Variants in EPHA6 observed in about 807,000 individuals in gnomAD.
EPHA6 encodes the protein EPH receptor A6.
In EPHA6, 50 loss-of-function variants were observed where a neutral mutation model predicts 112.0. That is an observed-to-expected ratio of 0.45 (90% confidence interval 0.36 to 0.56). The LOEUF (loss-of-function observed/expected upper bound fraction) is 0.56. EPHA6 is among the 20% of genes least tolerant of loss of function. EPHA6 has a pLI of 0.00. For synonymous variants in EPHA6, 529 were observed against 490.7 expected, an observed-to-expected ratio of 1.08 and a Z score of -1.03; for missense variants, 1,280 against 1,417.4, an observed-to-expected ratio of 0.90 and a Z score of 1.56.
At chr3:97,341,301 G>T (rs1450901277) in intron 5 of EPHA6, among the ~76,000 whole-genome samples, 1 of 152,006 alleles carries the variant, frequency 6.6e-6, no homozygotes, top group African/African-American at 2.4e-5. Context: ...AATTAGAAGA[G>T]CTGACTCAAC....
intron 3 of EPHA6, among the ~76,000 whole-genome samples, chr3:97,142,132 G>A (rs760165094): frequency 2.0e-5 from 3 of 151,902 alleles, no homozygotes; most frequent in East Asian, 3.9e-4. Context: ...ATTCCTTTCC[G>A]TGATGTTAAC....
intron 6 of EPHA6, among the ~76,000 whole-genome samples, chr3:97,419,718 A>G (rs1469497817): frequency 1.3e-5 from 2 of 152,144 alleles, no homozygotes; most frequent in East Asian, 3.8e-4. Flanking sequence ...CACAAGAGCA[A>G]AAGTGAGAAA....
chr3:97,363,618 A>G (rs2084530636), intron 5 of EPHA6, among the ~76,000 whole-genome samples: 1 of 152,096 alleles, frequency 6.6e-6, no homozygotes, highest in Non-Finnish European at 1.5e-5. Flanking sequence ...CATTAAAAAT[A>G]TAATTACCAT....
chr3:97,640,680 T>G (rs1030157446), intron 14 of EPHA6, among the ~76,000 whole-genome samples: 1 of 151,818 alleles, frequency 6.6e-6, no homozygotes, highest in African/African-American at 2.4e-5. Flanking sequence ...CTCGGCAGGC[T>G]GAGGCAGGAG....
At chr3:97,144,376 T>A (rs1404612115) in intron 3 of EPHA6, among the ~76,000 whole-genome samples, 4 of 151,366 alleles carry the variant, frequency 2.6e-5, no homozygotes, top group African/African-American at 9.7e-5. Context: ...ATAGGGCTTA[T>A]AACAAAAAGA....
At chr3:97,490,305 T>C (rs1220348848) in intron 10 of EPHA6, among the ~76,000 whole-genome samples, 1 of 152,158 alleles carries the variant, frequency 6.6e-6, no homozygotes, top group Non-Finnish European at 1.5e-5. Flanking sequence ...ATTGTTACAT[T>C]GCTTTATATT....
At chr3:96,921,969 TG>T (rs2039786717) in intron 2 of EPHA6, among the ~76,000 whole-genome samples, 1 of 152,052 alleles carries the variant, frequency 6.6e-6, no homozygotes, top group Non-Finnish European at 1.5e-5. Flanking sequence ...AAGAATAATG[TG>T]AATCAACTGA....
At chr3:96,929,176 G>T (rs558950088) in intron 2 of EPHA6, among the ~76,000 whole-genome samples, 94 of 152,256 alleles carry the variant, frequency 6.2e-4, no homozygotes, top group Admixed American at 4.6e-4. Flanking sequence ...AGAGTTTAGG[G>T]CACCAAGTCC....
intron 5 of EPHA6, among the ~76,000 whole-genome samples, chr3:97,364,383 T>C (rs1320740531): frequency 6.6e-6 from 1 of 151,562 alleles, no homozygotes; most frequent in Non-Finnish European, 1.5e-5. Flanking sequence ...ACAGTAATTT[T>C]CTCCTCATTC....
intron 5 of EPHA6, among the ~76,000 whole-genome samples, chr3:97,288,639 A>G (rs2108680666): frequency 6.6e-6 from 1 of 152,284 alleles, no homozygotes; most frequent in African/African-American, 2.4e-5. Flanking sequence ...AAGTTCTTCA[A>G]GAAATCTCCA....
chr3:97,403,716 G>GATTA (rs1023302340), intron 5 of EPHA6, among the ~76,000 whole-genome samples: 8 of 152,192 alleles, frequency 5.3e-5, no homozygotes, highest in African/African-American at 1.9e-4. Flanking sequence ...AAAGTGCTGG[G>GATTA]ATTACAGGCG....
At chr3:97,027,561 T>C (rs1281029513) in intron 3 of EPHA6, among the ~76,000 whole-genome samples, 1 of 152,200 alleles carries the variant, frequency 6.6e-6, no homozygotes, top group East Asian at 1.9e-4. Context: ...TCTTGAAGAA[T>C]ACTAGTGTCA....
At chr3:97,410,061 T>C (rs2087611411) in intron 6 of EPHA6, among the ~76,000 whole-genome samples, 1 of 152,086 alleles carries the variant, frequency 6.6e-6, no homozygotes, top group Admixed American at 6.6e-5. Context: ...ATGGGAAATA[T>C]TTTTATCAAT....
At chr3:97,395,586 A>C (rs1464570957) in intron 5 of EPHA6, among the ~76,000 whole-genome samples, 3 of 151,752 alleles carry the variant, frequency 2.0e-5, no homozygotes, top group African/African-American at 7.3e-5. Context: ...GAAAGGAAAA[A>C]ATTATATAGT....
intron 4 of EPHA6, among the ~76,000 whole-genome samples, chr3:97,240,015 G>A (rs752927915): frequency 4.6e-5 from 7 of 151,674 alleles, no homozygotes; most frequent in South Asian, 2.1e-4. Context: ...TCTGAACCTC[G>A]TTTCTTCATC....
At chr3:97,425,982 C>G (rs2089087674) in intron 6 of EPHA6, among the ~76,000 whole-genome samples, 1 of 152,124 alleles carries the variant, frequency 6.6e-6, no homozygotes, top group African/African-American at 2.4e-5. Flanking sequence ...CTTTATTGTC[C>G]ACATCACCAT....
chr3:97,430,861 T>A (rs1161497311), intron 6 of EPHA6, among the ~76,000 whole-genome samples: 1 of 152,140 alleles, frequency 6.6e-6, no homozygotes, highest in Non-Finnish European at 1.5e-5. Context: ...TTAATAGCTT[T>A]ACAGTCTCTC....
intron 3 of EPHA6, among the ~76,000 whole-genome samples, chr3:97,189,330 A>G (rs867595569): frequency 1.3e-5 from 2 of 152,096 alleles, no homozygotes; most frequent in South Asian, 4.1e-4. Flanking sequence ...CCTTGGAAAC[A>G]TGAGCATTCT....
chr3:97,130,821 T>C (rs7614446), intron 3 of EPHA6, among the ~76,000 whole-genome samples: 23,679 of 152,134 alleles, frequency 0.16, 2,088 homozygotes, highest in Admixed American at 0.26. Flanking sequence ...AAGTGAAAAG[T>C]ATTTCACTTA....
Sources: allele counts gnomAD v4.1 joint callset (sites outside exome capture counted in the v4.1 genomes callset), GRCh38; gene constraint gnomAD v4.1.1; transcripts MANE v1.5; gene names NCBI Gene and HGNC (gene_info 2026-07-23, HGNC 2026-07-21).